The following METTL24 variants were observed in gnomAD, a reference collection of about 807,000 sequenced individuals.
The protein encoded by METTL24 is probable methyltransferase-like protein 24.
Under a neutral mutation model 32.7 loss-of-function variants are expected in METTL24, and 29 were observed. The ratio of observed to expected loss-of-function variants is 0.89; its 90% CI spans 0.66 to 1.21. The LOEUF (loss-of-function observed/expected upper bound fraction) is 1.21, where lower values mean the gene tolerates loss of function less well. Ranked by LOEUF, METTL24 falls within the 50% of genes most tolerant of loss-of-function variation. The probability of loss-of-function intolerance (pLI) is 0.00; values close to 1 mark genes in which losing one functional copy is unlikely to be tolerated. For missense variants in METTL24, 439 were observed against 468.1 expected, an observed-to-expected ratio of 0.94 and a Z score of 0.57; for synonymous variants, 163 against 179.5, an observed-to-expected ratio of 0.91 and a Z score of 0.73.
chr6:110,291,516 CT>C (rs556308757), intron 4 of METTL24, among the ~76,000 whole-genome samples: 141 of 152,010 alleles, frequency 9.3e-4, no homozygotes, highest in African/African-American at 3.1e-3. Context: ...ACGTGTTTCT[CT>C]TTTTTTTCTT....
chr6:110,280,626 GAA>G (rs1044654922), intron 4 of METTL24, among the ~76,000 whole-genome samples: 56 of 151,390 alleles, frequency 3.7e-4, no homozygotes, highest in African/African-American at 1.3e-3. Flanking sequence ...ACCACTGAGA[GAA>G]AAGTGTGGAA....
chr6:110,261,531 A>C (rs6909242), intron 4 of METTL24, among the ~76,000 whole-genome samples: 33,798 of 151,956 alleles, frequency 0.22, 5,537 homozygotes, highest in African/African-American at 0.47. Flanking sequence ...ACTTTAACAC[A>C]CCACTGTCAA....
At chr6:110,270,840 T>TC (rs1254758497) in intron 4 of METTL24, among the ~76,000 whole-genome samples, 1 of 147,946 alleles carries the variant, frequency 6.8e-6, no homozygotes, top group Non-Finnish European at 1.5e-5. Context: ...CTTGATTCTT[T>TC]TTTTTTTTTT....
chr6:110,282,551 A>T (rs1215176908), intron 4 of METTL24, among the ~76,000 whole-genome samples: 1 of 152,160 alleles, frequency 6.6e-6, no homozygotes, highest in African/African-American at 2.4e-5. Context: ...TTCACACAAC[A>T]AACAGGTTGT....
chr6:110,323,494 G>C (rs185052514), intron 1 of METTL24, among the ~76,000 whole-genome samples: 85 of 152,228 alleles, frequency 5.6e-4, no homozygotes, highest in African/African-American at 1.9e-3. Context: ...GAGGTTACGA[G>C]GTGCTCCCAA....
At chr6:110,311,180 G>C (rs1193992965) in intron 3 of METTL24, among the ~76,000 whole-genome samples, 1 of 152,110 alleles carries the variant, frequency 6.6e-6, no homozygotes, top group East Asian at 1.9e-4. Context: ...TATCAGTTGA[G>C]GTGTTGTCAG....
At chr6:110,325,729 T>C (rs1772006133) in intron 1 of METTL24, among the ~76,000 whole-genome samples, 1 of 152,136 alleles carries the variant, frequency 6.6e-6, no homozygotes, top group African/African-American at 2.4e-5. Context: ...AAATGGAATT[T>C]ACTGGGCAAA....
At chr6:110,246,499 G>A (rs991673431) in intron 4 of METTL24, among the ~76,000 whole-genome samples, 7 of 152,146 alleles carry the variant, frequency 4.6e-5, no homozygotes, top group Non-Finnish European at 8.8e-5. Flanking sequence ...GCCTAGGCTG[G>A]TATAAAACTC....
intron 4 of METTL24, chr6:110,254,007 G>A (rs1032605121): frequency 1.6e-6 from 2 of 1,269,958 alleles, no homozygotes; most frequent in African/African-American, 1.5e-5. Context: ...TGATCTCCTT[G>A]ACATATTTGG....
chr6:110,292,640 T>C (rs1771339295), intron 4 of METTL24, among the ~76,000 whole-genome samples: 1 of 152,078 alleles, frequency 6.6e-6, no homozygotes, highest in Non-Finnish European at 1.5e-5. Flanking sequence ...TTTTGGTAGT[T>C]TTACCATGTG....
At chr6:110,286,894 T>TC (rs779287844) in intron 4 of METTL24, among the ~76,000 whole-genome samples, 2 of 152,216 alleles carry the variant, frequency 1.3e-5, no homozygotes, top group African/African-American at 4.8e-5. Flanking sequence ...AACGTCAGAC[T>TC]CCAAGTTCTT....
At chr6:110,325,133 G>T (rs1771995382) in intron 1 of METTL24, among the ~76,000 whole-genome samples, 1 of 152,134 alleles carries the variant, frequency 6.6e-6, no homozygotes, top group Admixed American at 6.5e-5. Context: ...GGAGCACTCA[G>T]CTAGGCCCGG....
intron 1 of METTL24, among the ~76,000 whole-genome samples, chr6:110,329,268 C>T (rs1344861749): frequency 6.6e-6 from 1 of 152,192 alleles, no homozygotes; most frequent in East Asian, 1.9e-4. Flanking sequence ...CAGTTGTGTG[C>T]GTGGAAATGA....
intron 4 of METTL24, among the ~76,000 whole-genome samples, chr6:110,296,967 C>T (rs1440813373): frequency 1.3e-5 from 2 of 150,820 alleles, no homozygotes; most frequent in African/African-American, 2.5e-5. Context: ...CAATCACTCG[C>T]TGACGGGTTT....
intron 4 of METTL24, among the ~76,000 whole-genome samples, chr6:110,247,785 T>G (rs1778195861): frequency 6.6e-6 from 1 of 152,212 alleles, no homozygotes; most frequent in Non-Finnish European, 1.5e-5. Context: ...ACCCATTCTT[T>G]CCTTTCTCAT....
At chr6:110,266,287 T>A (rs1231607134) in intron 4 of METTL24, among the ~76,000 whole-genome samples, 1 of 152,140 alleles carries the variant, frequency 6.6e-6, no homozygotes, top group Admixed American at 6.6e-5. Context: ...ACATCCAACA[T>A]ATTCTAGTAT....
intron 1 of METTL24, among the ~76,000 whole-genome samples, chr6:110,353,517 T>C (rs1320980948): frequency 6.6e-6 from 1 of 151,438 alleles, no homozygotes; most frequent in South Asian, 2.1e-4. Flanking sequence ...AATTTTGCCA[T>C]ATGGTTTTTC....
intron 4 of METTL24, among the ~76,000 whole-genome samples, chr6:110,255,465 A>G (rs1778364951): frequency 6.6e-6 from 1 of 152,118 alleles, no homozygotes. Flanking sequence ...ACAGCAAAGA[A>G]CTAAGCAGGA....
intron 1 of METTL24, among the ~76,000 whole-genome samples, chr6:110,345,545 G>T (rs1470259805): frequency 6.6e-6 from 1 of 152,200 alleles, no homozygotes; most frequent in Non-Finnish European, 1.5e-5. Flanking sequence ...ATCAGTGATA[G>T]ACTGGATAAA....
Sources: gnomAD v4.1 joint callset for allele counts (sites outside exome capture counted in the v4.1 genomes callset) on GRCh38, gnomAD v4.1.1 for gene constraint, MANE v1.5 for transcripts, NCBI Gene and HGNC (gene_info 2026-07-23, HGNC 2026-07-21) for gene names.